The following LAMB1 variants were observed in gnomAD, a reference collection of about 807,000 sequenced individuals.
LAMB1 encodes the protein laminin subunit beta-1.
A neutral mutation model predicts 222.3 loss-of-function variants in LAMB1; 121 were observed. The ratio of observed to expected loss-of-function variants is 0.54; its 90% CI spans 0.47 to 0.63. The LOEUF is 0.63. LAMB1 is among the 30% of genes least tolerant of loss of function. LAMB1 has a pLI of 0.00. For missense variants in LAMB1, 2,172 were observed against 2,240.8 expected, an observed-to-expected ratio of 0.97 and a Z score of 0.62; for synonymous variants, 794 against 807.2, an observed-to-expected ratio of 0.98 and a Z score of 0.28.
Position 107,926,181 on chromosome 7 carries a change from A to G in LAMB1, c.5064+2T>C. The G allele has an allele frequency of 6.2e-7, 1 of 1,610,998 alleles. No individual in the cohort carries two copies. Among genetic ancestry groups the G allele is most frequent in the Non-Finnish European group, 8.5e-7 (1 of 1,177,436 alleles). On this transcript the variant is annotated splice_donor_variant, in intron 32 of 33. Coordinates refer to ENST00000222399, the MANE Select transcript of LAMB1 (RefSeq NM_002291.3). LOFTEE classifies it high-confidence loss of function. ...GCTCTGAAATTACAAAGATTTACGT[A>G]CCTTCTTAACATCTTCTGCACTTTG...
chr7:107,935,354 T>C (rs879014024), intron 27 of LAMB1, 61 bp downstream of exon 27: 264 of 443,148 alleles, frequency 6.0e-4, no homozygotes, highest in Middle Eastern at 2.2e-3. Context: ...TTTGTTTTTT[T>C]TTTTTTTTTT....
chr7:107,993,794 T>C (rs1245019245), intron 5 of LAMB1, among the ~76,000 whole-genome samples: 1 of 152,172 alleles, frequency 6.6e-6, no homozygotes, highest in Non-Finnish European at 1.5e-5. Flanking sequence ...AGTTGACAAT[T>C]TATTTAGTGA....
chr7:108,002,172 G>T (rs920762128), intron 2 of LAMB1: 2 of 1,417,534 alleles, frequency 1.4e-6, no homozygotes, highest in Admixed American at 2.1e-5. Flanking sequence ...CGCATCCTCG[G>T]TGTGAGTGTG....
At position 107,923,947 on chromosome 7, in the gene LAMB1, T is replaced by C; in HGVS notation, c.*4A>G. On this transcript the variant is annotated 3_prime_UTR_variant, in exon 34 of 34. Transcript: ENST00000222399. ...TCACCTCAGCCATTTTTTATTCTCC[T>C]CTGTTACAAGCATGTGCTATACACA... The C allele has an allele frequency of 6.2e-7, 1 of 1,603,402 alleles. No individual in the cohort carries two copies. Among genetic ancestry groups the C allele is most frequent in the Non-Finnish European group, 8.5e-7 (1 of 1,177,102 alleles).
chr7:107,969,057 G>C (rs1161406454), intron 13 of LAMB1, among the ~76,000 whole-genome samples: 1 of 152,136 alleles, frequency 6.6e-6, no homozygotes, highest in Non-Finnish European at 1.5e-5. Context: ...GGGAGTCCGA[G>C]GCGAGCGGAT....
rs561857625 is a variant in LAMB1 at position 108,002,058 on chromosome 7, G to A, written c.38-325C>T. ...GCAGCTCCCCCAACAAAGGGTGGAT[G>A]TGTAGACCCTCCACTTCGACGTGTC... On this transcript the variant is annotated intron_variant, in intron 2 of 33. Coordinates refer to ENST00000222399, the MANE Select transcript of LAMB1 (RefSeq NM_002291.3). 11 of 1,459,106 alleles carry A rather than the reference G, an allele frequency of 7.5e-6. No individual in the cohort carries two copies. In the South Asian group the frequency reaches 1.1e-4, roughly 15 times the overall value. 90.4% of individuals were successfully genotyped at this position (1,459,106 alleles called of 1,614,324 possible). A position where few individuals can be genotyped will look rare whatever the true frequency, so the allele number is the denominator to read the frequency against.
chr7:107,962,952 T>A lies in LAMB1; in HGVS notation c.1810A>T (p.Ile604Leu), dbSNP rs775226319. The change falls in exon 15 of 34, where the codon ATA becomes TTA. Residue 604 changes from isoleucine to leucine, a missense_variant. Transcript: ENST00000222399. ...ATGTCGTACTCCATGGAATATGGTA[T>A]GTTGTCAATGAAAAACTCCAAATAA... ...GAYLEFFIDNIPYSMEYDILI... is the reference protein window; with the variant it reads ...GAYLEFFIDNLPYSMEYDILI... 3.7e-5 allele frequency: 59 copies of A among 1,613,960 alleles called. No homozygotes were observed. Among genetic ancestry groups the A allele is most frequent in the Admixed American group, 3.3e-5 (2 of 59,996 alleles).
intron 29 of LAMB1, 51 bp from the exon 30 acceptor site, chr7:107,929,670 C>G (rs183692360): frequency 1.4e-6 from 2 of 1,470,574 alleles, no homozygotes; most frequent in East Asian, 4.6e-5. Flanking sequence ...ATAGATGGTT[C>G]ATTCATTCAA....
intron 28 of LAMB1, among the ~76,000 whole-genome samples, 162 bp downstream of exon 28, chr7:107,932,010 ATC>A (rs562917873): frequency 6.6e-6 from 1 of 152,150 alleles, no homozygotes; most frequent in South Asian, 2.1e-4. Flanking sequence ...AAATCTCCCC[ATC>A]TCTTTCTCTG....
At chr7:107,955,383 T>C (rs2033351981) in intron 21 of LAMB1, 84 bp downstream of exon 21, 3 of 1,245,362 alleles carry the variant, frequency 2.4e-6, no homozygotes, top group Non-Finnish European at 2.2e-6. Context: ...TGGTTCACTT[T>C]GCATCTTTTT....
At chr7:107,971,520 A>G (rs142128425) in intron 13 of LAMB1, among the ~76,000 whole-genome samples, 221 of 152,298 alleles carry the variant, frequency 1.5e-3, no homozygotes, top group African/African-American at 5.1e-3. Context: ...GAAAAGGCTC[A>G]CCATAAAACA....
In LAMB1 at chr7:107,940,274, C is replaced by A. The variant is rs1008978602; in HGVS notation, c.3476G>T (p.Gly1159Val). The part of the protein sequence containing the change: ...GQCVCVEGVE[G>V]PRCDKCTRGY... ...TCGCGTGCACTTGTCACAGCGTGGA[C>A]CCTCAACACCCTCAACGCAGACACA... The change falls in exon 25 of 34, where the codon GGT (glycine) becomes GTT (valine). Residue 1159 changes from glycine (G) to valine (V), a missense_variant. Transcript: ENST00000222399. 5 of 1,614,074 alleles carry A rather than the reference C, an allele frequency of 3.1e-6. No homozygotes were observed. Among genetic ancestry groups the A allele is most frequent in the Non-Finnish European group, 4.2e-6 (5 of 1,180,036 alleles).
intron 20 of LAMB1, among the ~76,000 whole-genome samples, chr7:107,957,430 C>A (rs560380264): frequency 4.6e-5 from 7 of 152,290 alleles, no homozygotes; most frequent in African/African-American, 1.7e-4. Context: ...AGCCTGTAAT[C>A]CCAGCTACTT....
Position 108,001,115 on chromosome 7 carries a change from G to C in LAMB1, c.213+443C>G, listed in dbSNP as rs138055638. Reference sequence around the variant, plus strand: ...CAAATGAGGAGAGGAAAACGGGTTCGTTCAGTGATTGGAATCACCTTGCAA... The same window carrying C: ...CAAATGAGGAGAGGAAAACGGGTTCCTTCAGTGATTGGAATCACCTTGCAA... On this transcript the variant is annotated intron_variant, in intron 3 of 33. Transcript: ENST00000222399. Among the ~76,000 whole-genome samples the C allele has an allele frequency of 3.3e-3, 503 of 152,248 alleles. 2 individuals are homozygous for C. Among genetic ancestry groups the C allele is most frequent in the African/African-American group, 0.012 (488 of 41,540 alleles).
chr7:107,941,305 A>C (rs1431703650), intron 24 of LAMB1, among the ~76,000 whole-genome samples: 2 of 152,256 alleles, frequency 1.3e-5, no homozygotes, highest in African/African-American at 2.4e-5. Context: ...CTGACATTTG[A>C]AAGTATTTAT....
intron 27 of LAMB1, among the ~76,000 whole-genome samples, chr7:107,934,325 T>C (rs908684562): frequency 1.3e-5 from 2 of 152,194 alleles, no homozygotes; most frequent in Admixed American, 6.5e-5. Flanking sequence ...GTAATGAAGT[T>C]TGAACTCTTC....
chr7:107,959,508 C>T (rs749839671), intron 19 of LAMB1, 28 bp from the exon 20 acceptor site: 33 of 1,611,756 alleles, frequency 2.0e-5, no homozygotes, highest in Non-Finnish European at 2.7e-5. Context: ...CAAGGAACTG[C>T]CTTGAGAAAC....
chr7:107,948,208 G>A (rs983847328), intron 24 of LAMB1, among the ~76,000 whole-genome samples: 1 of 151,964 alleles, frequency 6.6e-6, no homozygotes, highest in Non-Finnish European at 1.5e-5. Context: ...GCTGGTGTCG[G>A]ACTCCTGACC....
chr7:107,939,988 C>T lies in LAMB1; in HGVS notation c.3761+1G>A, dbSNP rs761007153. On this transcript the variant is annotated splice_donor_variant, in intron 25 of 33. Coordinates refer to ENST00000222399, the MANE Select transcript of LAMB1 (RefSeq NM_002291.3). LOFTEE classifies it high-confidence loss of function. ...ATTCCTCTGGCTCATTAACTACTTA[C>T]TCTGCTTCCTCAAAGAGATTCCCAA... 6.2e-6 allele frequency: 10 copies of T among 1,612,294 alleles called. No individual in the cohort carries two copies. The highest frequency in any genetic ancestry group is 1.3e-5 in the African/African-American group (1 of 74,908).
Sources: gnomAD v4.1 joint callset for allele counts (sites outside exome capture counted in the v4.1 genomes callset) on GRCh38, gnomAD v4.1.1 for gene constraint, MANE v1.5 for transcripts, NCBI Gene and HGNC (gene_info 2026-07-23, HGNC 2026-07-21) for gene names.